TIAM1: variants seen among roughly 807,000 people sequenced by gnomAD.
The protein encoded by TIAM1 is TIAM Rac1 associated GEF 1.
A neutral mutation model predicts 163.5 loss-of-function variants in TIAM1; 65 were observed. That is an observed-to-expected ratio of 0.40 (90% CI 0.33 to 0.49). The LOEUF (loss-of-function observed/expected upper bound fraction) is 0.49. Ranked by LOEUF, TIAM1 falls within the 20% of genes least tolerant of loss-of-function variation. TIAM1 has a pLI of 0.77. For missense variants in TIAM1, 1,789 were observed against 2,044.7 expected, an observed-to-expected ratio of 0.87 and a Z score of 2.41; for synonymous variants, 833 against 810.1, an observed-to-expected ratio of 1.03 and a Z score of -0.48.
chr21:31,267,382 G>C (rs773291184), intron 3 of TIAM1, among the ~76,000 whole-genome samples: 5 of 152,184 alleles, frequency 3.3e-5, no homozygotes, highest in Non-Finnish European at 7.3e-5. Flanking sequence ...TGAAAACTCT[G>C]AAAGTACAAA....
chr21:31,285,838 G>A (rs530995840), intron 2 of TIAM1, among the ~76,000 whole-genome samples: 2 of 152,204 alleles, frequency 1.3e-5, no homozygotes, highest in South Asian at 4.2e-4. Context: ...TCCAGCCTGG[G>A]CACAGAGTGA....
rs577693583 is a variant in TIAM1 at position 31,180,533 on chromosome 21, A to G, written c.2887+1888T>C. Among the ~76,000 whole-genome samples, 9 of 136,004 alleles carry G rather than the reference A, an allele frequency of 6.6e-5. No homozygotes were observed. In the South Asian group the frequency reaches 1.3e-3, roughly 20 times the overall value. 89.2% of individuals were successfully genotyped at this position (136,004 alleles called of 152,430 possible). A position where few individuals can be genotyped will look rare whatever the true frequency, so the allele number is the denominator to read the frequency against. Reference sequence around the variant, plus strand: ...AGTTTACCCACCTCTTTTTTTTTTTATATCTGTAACCCAGAAGAAGGGCTC... The same window carrying G: ...AGTTTACCCACCTCTTTTTTTTTTTGTATCTGTAACCCAGAAGAAGGGCTC... On this transcript the variant is annotated intron_variant, in intron 15 of 27. Transcript: ENST00000541036.
intron 1 of TIAM1, among the ~76,000 whole-genome samples, chr21:31,492,715 A>C (rs2046509247): frequency 6.6e-6 from 1 of 150,478 alleles, no homozygotes. Flanking sequence ...TGTCATGGGC[A>C]CACTGTTAAT....
intron 1 of TIAM1, among the ~76,000 whole-genome samples, chr21:31,469,161 C>T (rs1472671458): frequency 6.8e-6 from 1 of 147,942 alleles, no homozygotes; most frequent in Non-Finnish European, 1.5e-5. Flanking sequence ...TAGTTCACTG[C>T]AGCCTTGAAC....
chr21:31,538,805 G>A (rs943559273), intron 1 of TIAM1, among the ~76,000 whole-genome samples: 22 of 152,300 alleles, frequency 1.4e-4, no homozygotes, highest in African/African-American at 2.4e-4. Context: ...CCCTGAAAAC[G>A]TTTTTATGCA....
chr21:31,225,705 T>TA (rs2087918984), intron 7 of TIAM1, 21 bp downstream of exon 7: 2 of 1,583,270 alleles, frequency 1.3e-6, no homozygotes, highest in African/African-American at 2.7e-5. Context: ...TGTCCGGACC[T>TA]AAACACGGAA....
rs532597556 is a variant in TIAM1 at position 31,250,167 on chromosome 21, A to G, written c.1411+1575T>C. Among the ~76,000 whole-genome samples, 73 of 147,678 alleles carry G rather than the reference A, an allele frequency of 4.9e-4. 1 individual carries two copies. Among genetic ancestry groups the G allele is most frequent in the Admixed American group, 1.3e-3 (19 of 15,086 alleles). On this transcript the variant is annotated intron_variant, in intron 5 of 27. Coordinates refer to ENST00000541036, the MANE Select transcript of TIAM1 (RefSeq NM_001353694.2). ...TCTCAAACAGAAAAAAAAAAAAAAA[A>G]AAAAGAAAAAGATAATGCTGTAGGA...
intron 6 of TIAM1, among the ~76,000 whole-genome samples, chr21:31,241,047 G>GCT (rs1291120811): frequency 2.0e-5 from 3 of 152,086 alleles, no homozygotes; most frequent in African/African-American, 7.2e-5. Context: ...CCCTGCACAT[G>GCT]CTCTCTCTTG....
At chr21:31,134,783 T>C (rs1277548579) in intron 23 of TIAM1, among the ~76,000 whole-genome samples, 1 of 152,200 alleles carries the variant, frequency 6.6e-6, no homozygotes, top group African/African-American at 2.4e-5. Context: ...AGTGCTGGGA[T>C]TACAGGTGTG....
At chr21:31,315,622 G>A (rs1175040595) in intron 2 of TIAM1, among the ~76,000 whole-genome samples, 1 of 138,116 alleles carries the variant, frequency 7.2e-6, no homozygotes, top group East Asian at 2.3e-4. Flanking sequence ...TTGTAAGTGA[G>A]CCAACATAGC....
chr21:31,249,028 G>A (rs1246172520), intron 5 of TIAM1, among the ~76,000 whole-genome samples: 1 of 152,178 alleles, frequency 6.6e-6, no homozygotes, highest in African/African-American at 2.4e-5. Flanking sequence ...CTCAAACTGA[G>A]AGTGAGAATC....
chr21:31,379,113 A>G lies in TIAM1; in HGVS notation c.-368-39691T>C, dbSNP rs986919287. The stretch of plus-strand genomic sequence containing the variant: ...CAGCCTCCCAAGTAGCTAAGATTAC[A>G]GGCACCCGCCACCACACCCGGCTAA... On this transcript the variant is annotated intron_variant, in intron 2 of 28. Transcript: ENST00000286827. 3.9e-5 allele frequency among the ~76,000 whole-genome samples: 6 copies of G among 152,284 alleles called. No homozygotes were observed. In the East Asian group the frequency reaches 1.2e-3, roughly 29 times the overall value.
In TIAM1 at chr21:31,305,829, T is replaced by C. The variant is rs140940252; in HGVS notation, c.-188-28921A>G. 6.3e-3 allele frequency among the ~76,000 whole-genome samples: 966 copies of C among 152,318 alleles called. 8 individuals carry two copies. The highest frequency in any genetic ancestry group is 0.022 in the African/African-American group (935 of 41,562). On this transcript the variant is annotated intron_variant, in intron 2 of 27. Coordinates refer to ENST00000541036, the MANE Select transcript of TIAM1 (RefSeq NM_001353694.2). ...AGGAAAAAAAAATGTCTATGGCTTATTTAACCCAATCTAACTACAAGATAT... is the reference window on the plus strand; with the variant it reads ...AGGAAAAAAAAATGTCTATGGCTTACTTAACCCAATCTAACTACAAGATAT...
chr21:31,254,905 A>G (rs1274198572), intron 4 of TIAM1, among the ~76,000 whole-genome samples: 3 of 152,188 alleles, frequency 2.0e-5, no homozygotes, highest in Admixed American at 2.0e-4. Flanking sequence ...ACCAACTCTC[A>G]AGGGCGTGTC....
chr21:31,233,931 G>GCT (rs2088586765), intron 6 of TIAM1, among the ~76,000 whole-genome samples: 1 of 152,220 alleles, frequency 6.6e-6, no homozygotes, highest in Non-Finnish European at 1.5e-5. Context: ...CTCTGGCAAA[G>GCT]CTCAGTCGCC....
rs888171347 is a variant in TIAM1, at chr21:31,398,084, C to A, written c.-368-58662G>T. Among the ~76,000 whole-genome samples, 4 of 150,806 alleles carry A rather than the reference C, an allele frequency of 2.7e-5. No homozygotes were observed. In the Admixed American group the frequency reaches 2.7e-4, roughly 10 times the overall value. On this transcript the variant is annotated intron_variant, in intron 2 of 28. Transcript: ENST00000286827. ...CCCCTACAACCTCCCCCAACCTCCC[C>A]TCTGCACCAGCAGAATGGGACCCAG...
intron 2 of TIAM1, among the ~76,000 whole-genome samples, chr21:31,338,452 A>G (rs1483686123): frequency 6.6e-6 from 1 of 152,190 alleles, no homozygotes; most frequent in African/African-American, 2.4e-5. Flanking sequence ...GAGGAAGGCA[A>G]AGTTGAAAAG....
intron 20 of TIAM1, among the ~76,000 whole-genome samples, chr21:31,143,761 T>A (rs1385396654): frequency 6.6e-6 from 1 of 151,662 alleles, no homozygotes; most frequent in Non-Finnish European, 1.5e-5. Flanking sequence ...GGAGTCTCGA[T>A]CTGTTGCCCA....
At chr21:31,136,978 G>A (rs1601230703) in intron 22 of TIAM1, among the ~76,000 whole-genome samples, 2 of 152,220 alleles carry the variant, frequency 1.3e-5, no homozygotes, top group East Asian at 3.8e-4. Context: ...GAGACCATGA[G>A]GTTTAGTCGC....
Sources: allele counts gnomAD v4.1 joint callset (sites outside exome capture counted in the v4.1 genomes callset), GRCh38; gene constraint gnomAD v4.1.1; transcripts MANE v1.5; gene names NCBI Gene and HGNC (gene_info 2026-07-23, HGNC 2026-07-21).